REPS1: variants seen among roughly 807,000 people sequenced by gnomAD.
The protein encoded by REPS1 is ralBP1-associated Eps domain-containing protein 1.
In REPS1, 39 loss-of-function variants were observed where a neutral mutation model predicts 100.9. The ratio of observed to expected loss-of-function variants is 0.39; its 90% CI spans 0.30 to 0.50. The LOEUF (loss-of-function observed/expected upper bound fraction) is 0.50, where lower values mean the gene tolerates loss of function less well. Ranked by LOEUF, REPS1 falls within the 20% of genes least tolerant of loss-of-function variation. The probability of loss-of-function intolerance (pLI) is 0.86; values close to 1 mark genes in which losing one functional copy is unlikely to be tolerated. For missense variants in REPS1, 821 were observed against 968.5 expected (o/e 0.85, Z 2.02); for synonymous variants, 324 against 340.3 (o/e 0.95, Z 0.53).
chr6:138,947,567 C>G (rs1782722235), intron 2 of REPS1, among the ~76,000 whole-genome samples: 1 of 152,056 alleles, frequency 6.6e-6, no homozygotes, highest in African/African-American at 2.4e-5. Context: ...TACATATAGT[C>G]AAATACAGAT....
Position 138,929,964 on chromosome 6 carries a change from A to G in REPS1, c.1257+13T>C, listed in dbSNP as rs1360708444. 5.0e-6 allele frequency: 8 copies of G among 1,610,746 alleles called. No homozygotes were observed. Among genetic ancestry groups the G allele is most frequent in the Non-Finnish European group, 6.8e-6 (8 of 1,177,812 alleles). ...GTTAACTTTTAATGAAAGAAAAGGA[A>G]AGCTTTGCTAACCTCACTGCTCTGA... On this transcript the variant is annotated intron_variant, in intron 9 of 19. Transcript: ENST00000450536.
chr6:138,944,694 C>A, intron 4 of REPS1, 72 bp from the exon 5 acceptor site: 1 of 1,436,146 alleles, frequency 7.0e-7, no homozygotes. Context: ...TTCTTTCCAA[C>A]TCTTACTCTG....
Position 138,930,105 on chromosome 6 carries a change from T to C in REPS1, c.1136-7A>G. The C allele has an allele frequency of 6.2e-7, 1 of 1,611,804 alleles. No homozygotes were observed. The highest frequency in any genetic ancestry group is 1.3e-5 in the African/African-American group (1 of 74,966). ...CCTGGCTGATCCCCAACATCTGCAATTTAAAAATAGAGAAATTCTCTATAA... is the reference window on the plus strand; with the variant it reads ...CCTGGCTGATCCCCAACATCTGCAACTTAAAAATAGAGAAATTCTCTATAA... On this transcript the variant is annotated splice_polypyrimidine_tract_variant and splice_region_variant and intron_variant, in intron 8 of 19. Transcript: ENST00000450536.
intron 8 of REPS1, among the ~76,000 whole-genome samples, chr6:138,941,090 C>T (rs576645718): frequency 4.5e-4 from 69 of 152,148 alleles, no homozygotes; most frequent in South Asian, 1.0e-3. Flanking sequence ...CTTCAAATCT[C>T]GGCAAGTCAC....
chr6:138,909,744 T>C (rs1177065865), intron 17 of REPS1, among the ~76,000 whole-genome samples: 1 of 152,134 alleles, frequency 6.6e-6, no homozygotes, highest in African/African-American at 2.4e-5. Context: ...CCTTCCGCCA[T>C]AAATGTAAAT....
intron 1 of REPS1, among the ~76,000 whole-genome samples, chr6:138,978,376 C>T (rs1784720845): frequency 7.0e-6 from 1 of 143,588 alleles, no homozygotes. Context: ...CTGACCTCTG[C>T]CTCCCTGACC....
intron 1 of REPS1, among the ~76,000 whole-genome samples, chr6:138,969,978 A>G (rs980331644): frequency 6.6e-6 from 1 of 150,542 alleles, no homozygotes; most frequent in South Asian, 2.1e-4. Flanking sequence ...CAGTAGGTCA[A>G]TGCAAGGACT....
intron 1 of REPS1, among the ~76,000 whole-genome samples, 192 bp downstream of exon 1, chr6:138,987,338 A>G (rs1372623749): frequency 6.6e-6 from 1 of 152,136 alleles, no homozygotes; most frequent in Non-Finnish European, 1.5e-5. Flanking sequence ...TCCGTCCTCT[A>G]AGGGCAACCC....
chr6:138,971,539 C>T (rs1784347298), intron 1 of REPS1, among the ~76,000 whole-genome samples: 1 of 151,790 alleles, frequency 6.6e-6, no homozygotes, highest in Non-Finnish European at 1.5e-5. Context: ...TCTTTAGTTG[C>T]CAATAAATTA....
At chr6:138,935,193 C>T (rs1411897800) in intron 8 of REPS1, among the ~76,000 whole-genome samples, 1 of 152,088 alleles carries the variant, frequency 6.6e-6, no homozygotes, top group East Asian at 1.9e-4. Context: ...ATGTAGAAAA[C>T]TAATTGTTTT....
intron 7 of REPS1, among the ~76,000 whole-genome samples, chr6:138,942,140 C>T (rs771514160): frequency 6.6e-6 from 1 of 152,100 alleles, no homozygotes; most frequent in Non-Finnish European, 1.5e-5. Flanking sequence ...CCACCGCACC[C>T]GGCTGACATG....
At chr6:138,959,042 T>C (rs1001337041) in intron 1 of REPS1, among the ~76,000 whole-genome samples, 7 of 152,202 alleles carry the variant, frequency 4.6e-5, no homozygotes, top group Non-Finnish European at 1.0e-4. Flanking sequence ...GGCAGAGTTA[T>C]AATAAAAATG....
chr6:138,987,761 C>T lies in REPS1; in HGVS notation c.-79G>A. 2.1e-6 allele frequency: 3 copies of T among 1,405,136 alleles called. No homozygotes were observed. The highest frequency in any genetic ancestry group is 1.6e-5 in the South Asian group (1 of 63,988). 87.0% of individuals were successfully genotyped at this position (1,405,136 alleles called of 1,614,324 possible). A position where few individuals can be genotyped will look rare whatever the true frequency, so the allele number is the denominator to read the frequency against. On this transcript the variant is annotated 5_prime_UTR_variant, in exon 1 of 20. Transcript: ENST00000450536. ...CCCCAGGAACCTGGGCCGGCAGGGGCTGCGCGTGGCCCGGCCTCCTGCTAG... is the reference window on the plus strand; with the variant it reads ...CCCCAGGAACCTGGGCCGGCAGGGGTTGCGCGTGGCCCGGCCTCCTGCTAG...
At chr6:138,919,228 T>C (rs1208606105) in intron 12 of REPS1, among the ~76,000 whole-genome samples, 1 of 152,146 alleles carries the variant, frequency 6.6e-6, no homozygotes, top group African/African-American at 2.4e-5. Context: ...CTGAGGTCTT[T>C]TCCTCCACAA....
intron 1 of REPS1, among the ~76,000 whole-genome samples, chr6:138,985,923 GC>G: frequency 6.6e-6 from 1 of 152,204 alleles, no homozygotes; most frequent in South Asian, 2.1e-4. Flanking sequence ...AACAGAGAAG[GC>G]TTTTCCTTAA....
intron 1 of REPS1, among the ~76,000 whole-genome samples, chr6:138,968,516 A>G (rs1459474921): frequency 1.3e-5 from 2 of 152,168 alleles, no homozygotes; most frequent in African/African-American, 4.8e-5. Context: ...TTTTTCCACT[A>G]TGCCAGTATC....
chr6:138,958,438 A>G (rs1215063732), intron 1 of REPS1, among the ~76,000 whole-genome samples: 2 of 152,142 alleles, frequency 1.3e-5, no homozygotes, highest in Admixed American at 6.5e-5. Flanking sequence ...TCACATAGGT[A>G]TATGTGTGCC....
At chr6:138,939,840 G>A (rs945451901) in intron 8 of REPS1, among the ~76,000 whole-genome samples, 4 of 150,656 alleles carry the variant, frequency 2.7e-5, no homozygotes, top group Non-Finnish European at 5.9e-5. Flanking sequence ...TTCAGCTCAA[G>A]TCAGAGGCTG....
intron 7 of REPS1, among the ~76,000 whole-genome samples, chr6:138,941,764 A>G (rs1782266125): frequency 6.6e-6 from 1 of 152,262 alleles, no homozygotes. Flanking sequence ...AAGGTCACCA[A>G]AAAGAATGAC....
Sources: allele counts gnomAD v4.1 joint callset (sites outside exome capture counted in the v4.1 genomes callset), GRCh38; gene constraint gnomAD v4.1.1; transcripts MANE v1.5; gene names NCBI Gene and HGNC (gene_info 2026-07-23, HGNC 2026-07-21).